Variants in RPA3 observed in about 807,000 individuals in gnomAD.
RPA3 encodes replication protein A 14 kDa subunit.
In RPA3, 24 loss-of-function variants were observed where a neutral mutation model predicts 13.7. The ratio of observed to expected loss-of-function variants is 1.75; its 90% confidence interval spans 1.27 to 2.46. The LOEUF is 2.46. RPA3 is among the 30% of genes most tolerant of loss of function. RPA3 has a pLI of 0.00. For missense variants in RPA3, 183 were observed against 151.0 expected, an observed-to-expected ratio of 1.21 and a Z score of -1.11; for synonymous variants, 59 against 51.2, an observed-to-expected ratio of 1.15 and a Z score of -0.65.
intron 5 of RPA3, 130 bp from the exon 6 acceptor site, chr7:7,639,274 A>G: frequency 1.7e-6 from 1 of 601,894 alleles, no homozygotes; most frequent in Non-Finnish European, 2.9e-6. Flanking sequence ...AGTTTATTCA[A>G]CTTATTGGAT....
intron 4 of RPA3, among the ~76,000 whole-genome samples, chr7:7,655,815 G>T (rs905302704): frequency 2.2e-5 from 3 of 134,190 alleles, no homozygotes; most frequent in African/African-American, 5.1e-5. Context: ...ATATATTTAG[G>T]ACAGTCTCTC....
intron 4 of RPA3, among the ~76,000 whole-genome samples, chr7:7,660,437 T>G (rs1475192525): frequency 6.6e-6 from 1 of 152,236 alleles, no homozygotes; most frequent in Non-Finnish European, 1.5e-5. Flanking sequence ...CAGTGGCTGG[T>G]ACCTGTTGTT....
At chr7:7,709,214 C>T (rs1445560084) in intron 2 of RPA3, among the ~76,000 whole-genome samples, 3 of 152,104 alleles carry the variant, frequency 2.0e-5, no homozygotes, top group African/African-American at 4.8e-5. Flanking sequence ...TGAGATTTAT[C>T]TCAATTATAT....
At chr7:7,687,935 A>G (rs1780078426) in intron 2 of RPA3, among the ~76,000 whole-genome samples, 1 of 152,226 alleles carries the variant, frequency 6.6e-6, no homozygotes, top group Non-Finnish European at 1.5e-5. Flanking sequence ...AGCTGAAAAT[A>G]TGCTTGGCAG....
Position 7,685,981 on chromosome 7 carries a change from C to G in RPA3, c.-909G>C, listed in dbSNP as rs1780033740. 6.6e-6 allele frequency: 1 copy of G among 152,178 alleles called. No individual in the cohort carries two copies. 9.4% of individuals were successfully genotyped at this position (152,178 alleles called of 1,614,324 possible). A position where few individuals can be genotyped will look rare whatever the true frequency, so the allele number is the denominator to read the frequency against. On this transcript the variant is annotated 5_prime_UTR_variant, in exon 4 of 8. Coordinates refer to ENST00000223129, the MANE Select transcript of RPA3 (RefSeq NM_002947.5). Reference sequence around the variant, plus strand: ...TGCTTGGTTAGGGATGCTCCAGATTCCTGGGCCTTGCCCACACCTAGTGAA... The same window carrying G: ...TGCTTGGTTAGGGATGCTCCAGATTGCTGGGCCTTGCCCACACCTAGTGAA...
At chr7:7,697,518 T>A (rs1290271494) in intron 2 of RPA3, among the ~76,000 whole-genome samples, 1 of 152,228 alleles carries the variant, frequency 6.6e-6, no homozygotes, top group African/African-American at 2.4e-5. Context: ...TGTGGCTTCC[T>A]TTTGTGGCAG....
At chr7:7,675,019 T>A (rs976084294) in intron 4 of RPA3, among the ~76,000 whole-genome samples, 6 of 152,030 alleles carry the variant, frequency 3.9e-5, no homozygotes, top group South Asian at 2.1e-4. Flanking sequence ...GTATTTAAAA[T>A]TTTTTTTAAA....
At chr7:7,652,655 A>G (rs1191309271) in intron 4 of RPA3, among the ~76,000 whole-genome samples, 5 of 152,174 alleles carry the variant, frequency 3.3e-5, no homozygotes, top group Non-Finnish European at 5.9e-5. Flanking sequence ...GGAGAAAGTG[A>G]CTTGTCTAAT....
At chr7:7,696,688 C>T (rs551237198) in intron 2 of RPA3, among the ~76,000 whole-genome samples, 21 of 152,230 alleles carry the variant, frequency 1.4e-4, no homozygotes, top group South Asian at 4.1e-4. Flanking sequence ...TAAAGCACTC[C>T]GTAAAGATTT....
intron 4 of RPA3, among the ~76,000 whole-genome samples, chr7:7,668,610 C>T (rs922763649): frequency 6.6e-6 from 1 of 152,064 alleles, no homozygotes; most frequent in African/African-American, 2.4e-5. Flanking sequence ...TGTAATGAAA[C>T]CAGTTTTACC....
At chr7:7,708,890 T>C (rs1206251574) in intron 2 of RPA3, among the ~76,000 whole-genome samples, 1 of 151,894 alleles carries the variant, frequency 6.6e-6, no homozygotes, top group Non-Finnish European at 1.5e-5. Context: ...TTAAGAAGTT[T>C]TTAACCAGCA....
rs1401406964 is a variant in RPA3 at position 7,715,180 on chromosome 7, A to G, written c.-1033T>C. On this transcript the variant is annotated 5_prime_UTR_variant, in exon 2 of 8. Transcript: ENST00000223129. ...GTTAAAGAAAATAAACTTACCTGAA[A>G]CTATTGTATTCCCTGTGCATTGTCT... 2.6e-5 allele frequency: 4 copies of G among 152,164 alleles called. No homozygotes were observed. In the South Asian group the frequency reaches 6.2e-4, roughly 24 times the overall value. The allele number at this position is 152,164 out of a possible 1,614,324, so 9.4% of individuals were successfully genotyped here. A position where few individuals can be genotyped will look rare whatever the true frequency, so the allele number is the denominator to read the frequency against.
Position 7,640,350 on chromosome 7 carries a change from C to G in RPA3, c.69G>C (p.Lys23Asn). 2 of 1,614,116 alleles carry G rather than the reference C, an allele frequency of 1.2e-6. No individual in the cohort carries two copies. The highest frequency in any genetic ancestry group is 1.7e-6 in the Non-Finnish European group (2 of 1,180,022). The part of the protein sequence containing the change: ...NAGMLAQFID[K>N]PVCFVGRLEK... Reference sequence around the variant, plus strand: ...CCAGCCTCCCTACGAAGCAGACAGGCTTGTCGATGAATTGAGCTAGCATGC... The same window carrying G: ...CCAGCCTCCCTACGAAGCAGACAGGGTTGTCGATGAATTGAGCTAGCATGC... The change falls in exon 5 of 8, where the codon AAG (lysine) becomes AAC (asparagine). Residue 23 changes from lysine (K) to asparagine (N), a missense_variant. By Grantham distance (94) the Lys-to-Asn change is moderately conservative. Transcript: ENST00000223129.
chr7:7,710,778 G>A (rs1018691940), intron 2 of RPA3, among the ~76,000 whole-genome samples: 1 of 152,094 alleles, frequency 6.6e-6, no homozygotes, highest in South Asian at 2.1e-4. Context: ...GACCCAAACT[G>A]GATACACACC....
chr7:7,704,457 A>G (rs2115159593), intron 2 of RPA3, among the ~76,000 whole-genome samples: 1 of 152,044 alleles, frequency 6.6e-6, no homozygotes, highest in South Asian at 2.1e-4. Context: ...AACTGCTGCC[A>G]TAAAGAATTG....
intron 4 of RPA3, among the ~76,000 whole-genome samples, chr7:7,672,362 G>T (rs1040004972): frequency 3.9e-5 from 6 of 152,132 alleles, no homozygotes; most frequent in Admixed American, 2.6e-4. Context: ...ATGTGTGCTT[G>T]TATTTGTGTG....
In RPA3 at chr7:7,698,438, T is replaced by C. The variant is rs567225693; in HGVS notation, c.-1027-11110A>G. Reference sequence around the variant, plus strand: ...AGCTGTAAGTTGACTTTCAGTGTTTTTACAGCTTAGCCTTTTCCTTAGAAG... The same window carrying C: ...AGCTGTAAGTTGACTTTCAGTGTTTCTACAGCTTAGCCTTTTCCTTAGAAG... On this transcript the variant is annotated intron_variant, in intron 2 of 7. Coordinates refer to ENST00000223129, the MANE Select transcript of RPA3 (RefSeq NM_002947.5). Among the ~76,000 whole-genome samples the C allele has an allele frequency of 1.1e-4, 16 of 152,360 alleles. No individual in the cohort carries two copies. The South Asian group carries it at 3.1e-3, about 30-fold the overall frequency.
At chr7:7,695,572 T>C (rs1463588909) in intron 2 of RPA3, among the ~76,000 whole-genome samples, 1 of 152,188 alleles carries the variant, frequency 6.6e-6, no homozygotes, top group Non-Finnish European at 1.5e-5. Context: ...CTTTTCATGT[T>C]CTTTGGCACT....
intron 2 of RPA3, among the ~76,000 whole-genome samples, chr7:7,695,280 C>T (rs1197485094): frequency 6.6e-6 from 1 of 152,126 alleles, no homozygotes; most frequent in Non-Finnish European, 1.5e-5. Flanking sequence ...TCAACATTTT[C>T]CCCACCACAG....
Sources: gnomAD v4.1 joint callset for allele counts (sites outside exome capture counted in the v4.1 genomes callset) on GRCh38, gnomAD v4.1.1 for gene constraint, MANE v1.5 for transcripts, NCBI Gene and HGNC (gene_info 2026-07-23, HGNC 2026-07-21) for gene names.